The following USP42 variants were observed in gnomAD, a reference collection of about 807,000 sequenced individuals.
USP42 encodes ubiquitin carboxyl-terminal hydrolase 42.
Under a neutral mutation model 113.0 loss-of-function variants are expected in USP42, and 23 were observed. The observed-to-expected ratio is 0.20, with a 90% CI of 0.15 to 0.29. The LOEUF is 0.29. USP42 is among the 10% of genes least tolerant of loss of function. The pLI is 1.00. For synonymous variants in USP42, 933 were observed against 699.0 expected, an observed-to-expected ratio of 1.33 and a Z score of -5.28; for missense variants, 2,174 against 1,779.8, an observed-to-expected ratio of 1.22 and a Z score of -3.99.
At chr7:6,153,298 AAAAC>A (rs1398739746) in intron 14 of USP42, among the ~76,000 whole-genome samples, 4 of 138,536 alleles carry the variant, frequency 2.9e-5, no homozygotes, top group African/African-American at 1.2e-4. Flanking sequence ...AAAATGAAAC[AAAAC>A]AAAAAAAAAA....
chr7:6,099,981 T>G (rs1329241637), upstream of USP42, among the ~76,000 whole-genome samples: 1 of 137,936 alleles, frequency 7.2e-6, no homozygotes, highest in Non-Finnish European at 1.6e-5. Flanking sequence ...AAAAAAATTC[T>G]ATTACTACCA....
At chr7:6,155,334 G>A in intron 15 of USP42, 139 bp downstream of exon 15, 1 of 1,375,124 alleles carries the variant, frequency 7.3e-7, no homozygotes, top group Non-Finnish European at 9.4e-7. Context: ...TCATTTCTGT[G>A]GGTTTTGAGA....
chr7:6,154,837 G>C lies in USP42; in HGVS notation c.3283G>C (p.Asp1095His). 2.6e-6 allele frequency: 4 copies of C among 1,539,388 alleles called. No individual in the cohort carries two copies. The highest frequency in any genetic ancestry group is 3.5e-6 in the Non-Finnish European group (4 of 1,140,696). ...RAGLHERPHK[D>H]HNRGRRGCEP... ...CGGGCTGCACGAGCGGCCGCACAAG[G>C]ACCACAACCGGGGCCGTAGGGGCTG... is the stretch of plus-strand genomic sequence containing the variant. Residue 1095 changes from aspartate (D) to histidine (H), a missense_variant, in exon 15 of 18, where the codon GAC becomes CAC. By Grantham distance (81) the Asp-to-His change is moderately conservative. Coordinates refer to ENST00000306177, the MANE Select transcript of USP42 (RefSeq NM_032172.3).
intron 2 of USP42, among the ~76,000 whole-genome samples, chr7:6,112,757 C>CGTTAGT (rs962865956): frequency 4.7e-4 from 72 of 151,950 alleles, no homozygotes; most frequent in Non-Finnish European, 1.5e-4. Flanking sequence ...CATTAGCTGT[C>CGTTAGT]GTTAGTGTTA....
In USP42 at chr7:6,154,661, A is replaced by G. The variant is rs1782315116; in HGVS notation, c.3107A>G (p.His1036Arg). 3 of 1,606,296 alleles carry G rather than the reference A, an allele frequency of 1.9e-6. No individual in the cohort carries two copies. Among genetic ancestry groups the G allele is most frequent in the Admixed American group, 3.4e-5 (2 of 59,446 alleles). ...GTGGAGCTGGACTGGGTCAGACACC[A>G]CTACACCGAGGGCGAGCGTGGCTGG... ...SGVELDWVRH[H>R]YTEGERGWGR... The change falls in exon 15 of 18, where the codon CAC becomes CGC. Residue 1036 changes from histidine (H) to arginine (R), a missense_variant. Coordinates refer to ENST00000306177, the MANE Select transcript of USP42 (RefSeq NM_032172.3).
chr7:6,092,921 T>C, the USP42 span: 1 of 150,920 alleles, frequency 6.6e-6, no homozygotes, highest in African/African-American at 2.5e-5. Context: ...TAAGATAAAT[T>C]AAAACAGCCT....
At chr7:6,104,253 T>C (rs2128470651), upstream of USP42, among the ~76,000 whole-genome samples, 2 of 151,104 alleles carry the variant, frequency 1.3e-5, no homozygotes, top group South Asian at 4.2e-4. Flanking sequence ...CGGCTAATTT[T>C]TTGTATCTTT....
chr7:6,111,050 C>T lies in USP42; in HGVS notation c.-9-75C>T, dbSNP rs1422017565. The T allele has an allele frequency of 8.3e-6, 12 of 1,448,582 alleles. No individual in the cohort carries two copies. The East Asian group carries it at 2.4e-4, about 28-fold the overall frequency. The allele number at this position is 1,448,582 out of a possible 1,614,324, so 89.7% of individuals were successfully genotyped here. Reference sequence around the variant, plus strand: ...CTTTAAAATGGCTGGAATGATCTTCCAAGATCTAACGGTAGGGTAAGGAGA... The same window carrying T: ...CTTTAAAATGGCTGGAATGATCTTCTAAGATCTAACGGTAGGGTAAGGAGA... On this transcript the variant is annotated intron_variant, in intron 1 of 17. Coordinates refer to ENST00000306177, the MANE Select transcript of USP42 (RefSeq NM_032172.3).
chr7:6,138,934 A>G (rs1781302458), intron 4 of USP42, among the ~76,000 whole-genome samples, 158 bp from the exon 5 acceptor site: 1 of 152,198 alleles, frequency 6.6e-6, no homozygotes, highest in East Asian at 1.9e-4. Flanking sequence ...GATCCTGCTT[A>G]TAGCTTATAT....
intron 3 of USP42, among the ~76,000 whole-genome samples, chr7:6,126,697 T>C (rs915039685): frequency 6.6e-6 from 1 of 152,160 alleles, no homozygotes; most frequent in African/African-American, 2.4e-5. Context: ...GTTTCTAGTT[T>C]TGGGATATCG....
At chr7:6,107,013 A>G (rs1461842798) in intron 1 of USP42, among the ~76,000 whole-genome samples, 2 of 152,226 alleles carry the variant, frequency 1.3e-5, no homozygotes, top group Non-Finnish European at 2.9e-5. Flanking sequence ...CCTACATAAC[A>G]TTGTTTAGCT....
chr7:6,107,361 C>A (rs1341065307), intron 1 of USP42, among the ~76,000 whole-genome samples: 1 of 149,344 alleles, frequency 6.7e-6, no homozygotes, highest in African/African-American at 2.5e-5. Context: ...CTGGATTAAC[C>A]TTTTCTTATA....
Position 6,158,186 on chromosome 7 carries a change from T to A in USP42, c.3943+1131T>A, listed in dbSNP as rs1437056057. On this transcript the variant is annotated intron_variant, in intron 16 of 17. Transcript: ENST00000306177. The surrounding 1 kb of genome is among the most constrained non-coding windows in gnomAD (Gnocchi z 4.2). ...CAGACCTCAGTGTCTGTGGCTTGATTGGGGCGCAGCCAGGTGCGTTCCCAC... is the reference window on the plus strand; with the variant it reads ...CAGACCTCAGTGTCTGTGGCTTGATAGGGGCGCAGCCAGGTGCGTTCCCAC... Among the ~76,000 whole-genome samples, 1 of 152,230 alleles carries A rather than the reference T, an allele frequency of 6.6e-6. No individual in the cohort carries two copies. The highest frequency in any genetic ancestry group is 1.5e-5 in the Non-Finnish European group (1 of 68,044).
chr7:6,154,568 G>T lies in USP42; in HGVS notation c.3014G>T (p.Arg1005Met). 1 of 1,557,350 alleles carries T rather than the reference G, an allele frequency of 6.4e-7. No individual in the cohort carries two copies. The highest frequency in any genetic ancestry group is 1.2e-5 in the South Asian group (1 of 84,446). ...GAGCACCACCCCGGCCACGGCGACA[G>T]GCTCAGCCCTGGCGAGCGCCGCTCT... ...APEHHPGHGD[R>M]LSPGERRSLG... The change falls in exon 15 of 18, where the codon AGG becomes ATG. Residue 1005 changes from arginine to methionine, a missense_variant. Coordinates refer to ENST00000306177, the MANE Select transcript of USP42 (RefSeq NM_032172.3).
At chr7:6,132,916 C>G (rs1242068708) in intron 3 of USP42, among the ~76,000 whole-genome samples, 2 of 152,184 alleles carry the variant, frequency 1.3e-5, no homozygotes, top group Non-Finnish European at 2.9e-5. Context: ...TGTGATCTGC[C>G]CATCTTGGTC....
chr7:6,153,408 TTGA>T (rs1413935479), intron 14 of USP42, among the ~76,000 whole-genome samples: 1 of 152,144 alleles, frequency 6.6e-6, no homozygotes, highest in Admixed American at 6.5e-5. Context: ...GGAGCTGGGC[TTGA>T]TGATATAACA....
chr7:6,095,131 C>G, the USP42 span, among the ~76,000 whole-genome samples: 1 of 151,184 alleles, frequency 6.6e-6, no homozygotes, highest in Admixed American at 6.6e-5. Flanking sequence ...TGCTGTAAGT[C>G]AAGGAACCAG....
chr7:6,140,050 C>T (rs1293667392), intron 5 of USP42, 78 bp from the exon 6 acceptor site: 8 of 1,262,402 alleles, frequency 6.3e-6, no homozygotes, highest in Admixed American at 1.7e-5. Context: ...TGTGAGCTCC[C>T]ATGTGTTTGA....
chr7:6,137,547 G>A (rs1040118774), intron 4 of USP42, among the ~76,000 whole-genome samples: 8 of 152,268 alleles, frequency 5.3e-5, no homozygotes, highest in Admixed American at 3.9e-4. Flanking sequence ...TAGTAGAGAC[G>A]GGGTTTCACC....
Sources: gnomAD v4.1 joint callset for allele counts (sites outside exome capture counted in the v4.1 genomes callset) on GRCh38, gnomAD v4.1.1 for gene constraint, Gnocchi (gnomAD v3.1) non-coding constraint, MANE v1.5 for transcripts, NCBI Gene and HGNC (gene_info 2026-07-23, HGNC 2026-07-21) for gene names.